UNC13C: variants seen among roughly 807,000 people sequenced by gnomAD.
UNC13C encodes protein unc-13 homolog C.
Under a neutral mutation model 245.4 loss-of-function variants are expected in UNC13C, and 174 were observed. The ratio of observed to expected loss-of-function variants is 0.71; its 90% confidence interval spans 0.63 to 0.80. The LOEUF (loss-of-function observed/expected upper bound fraction) is 0.80, where lower values mean the gene tolerates loss of function less well. Among genes scored for constraint, UNC13C ranks in the 30% least tolerant of loss-of-function variants. UNC13C has a pLI of 0.00. For missense variants in UNC13C, 2,829 were observed against 2,602.9 expected, an observed-to-expected ratio of 1.09 and a Z score of -1.89; for synonymous variants, 992 against 895.1, an observed-to-expected ratio of 1.11 and a Z score of -1.93.
intron 10 of UNC13C, among the ~76,000 whole-genome samples, chr15:54,287,400 T>A (rs74015117): frequency 0.025 from 3,852 of 152,296 alleles, 160 homozygotes; most frequent in African/African-American, 0.088. Context: ...TCAGATATAA[T>A]CAAACAAAAT....
intron 19 of UNC13C, among the ~76,000 whole-genome samples, chr15:54,438,491 T>C (rs1014777240): frequency 6.6e-6 from 1 of 152,002 alleles, no homozygotes; most frequent in Non-Finnish European, 1.5e-5. Context: ...TCTGCTCTAG[T>C]CAACATAAGG....
the UNC13C span, among the ~76,000 whole-genome samples, chr15:53,896,065 C>T: frequency 7.7e-6 from 1 of 130,376 alleles, no homozygotes; most frequent in African/African-American, 3.0e-5. Flanking sequence ...TTTAAATATG[C>T]TAATGTCCAT....
chr15:54,189,954 A>T (rs945725130), intron 4 of UNC13C, among the ~76,000 whole-genome samples: 1 of 152,212 alleles, frequency 6.6e-6, no homozygotes, highest in African/African-American at 2.4e-5. Context: ...ATTATGTAAC[A>T]TGTTAGGTCA....
intron 11 of UNC13C, among the ~76,000 whole-genome samples, chr15:54,297,187 C>T (rs2037458890): frequency 6.6e-6 from 1 of 152,116 alleles, no homozygotes; most frequent in Non-Finnish European, 1.5e-5. Flanking sequence ...TGCCAAATAA[C>T]TTATTTAATT....
intron 30 of UNC13C, among the ~76,000 whole-genome samples, chr15:54,600,728 A>G (rs1255421403): frequency 6.6e-6 from 1 of 152,124 alleles, no homozygotes; most frequent in Non-Finnish European, 1.5e-5. Context: ...TTGAAAACAA[A>G]GCTTTCATAC....
At chr15:54,468,977 G>A (rs1596437455) in intron 19 of UNC13C, among the ~76,000 whole-genome samples, 2 of 151,672 alleles carry the variant, frequency 1.3e-5, no homozygotes, top group East Asian at 1.9e-4. Flanking sequence ...GTGAAGAATA[G>A]CATTGAAATA....
chr15:54,115,050 C>G (rs557954949), intron 2 of UNC13C, among the ~76,000 whole-genome samples: 1 of 151,952 alleles, frequency 6.6e-6, no homozygotes, highest in Non-Finnish European at 1.5e-5. Flanking sequence ...GATGCCAATC[C>G]TCCATTTGCT....
At position 54,219,856 on chromosome 15, in the gene UNC13C, C is replaced by T. The variant is rs1230678712; in HGVS notation, c.3072-15174C>T. ...AGACACATGAAAAAATGCTCATCATCACTGGCCATCAGAGAAATGCAAATC... is the reference window on the plus strand; with the variant it reads ...AGACACATGAAAAAATGCTCATCATTACTGGCCATCAGAGAAATGCAAATC... On this transcript the variant is annotated intron_variant, in intron 4 of 32. Transcript: ENST00000260323. 2.0e-5 allele frequency among the ~76,000 whole-genome samples: 3 copies of T among 151,920 alleles called. No homozygotes were observed. The East Asian group carries it at 5.8e-4, about 29-fold the overall frequency.
intron 4 of UNC13C, among the ~76,000 whole-genome samples, chr15:54,173,349 GA>G (rs1412365227): frequency 1.3e-5 from 2 of 152,032 alleles, no homozygotes; most frequent in African/African-American, 4.8e-5. Context: ...TCTAATCAAA[GA>G]ACATGTAATG....
At chr15:54,389,590 T>G (rs1280643529) in intron 17 of UNC13C, among the ~76,000 whole-genome samples, 1 of 152,206 alleles carries the variant, frequency 6.6e-6, no homozygotes, top group African/African-American at 2.4e-5. Flanking sequence ...TGTAAGTACA[T>G]GATACTAACA....
intron 2 of UNC13C, among the ~76,000 whole-genome samples, chr15:54,030,622 T>C (rs1319576838): frequency 6.6e-6 from 1 of 152,234 alleles, no homozygotes; most frequent in Non-Finnish European, 1.5e-5. Context: ...TGTATTGCTA[T>C]AACAAAATAT....
At chr15:53,861,577 G>C in the UNC13C span, among the ~76,000 whole-genome samples, 1 of 152,110 alleles carries the variant, frequency 6.6e-6, no homozygotes, top group Non-Finnish European at 1.5e-5. Context: ...GGGTCGTCTA[G>C]AAAACAGAGC....
At chr15:54,175,656 G>A (rs1282452619) in intron 4 of UNC13C, among the ~76,000 whole-genome samples, 1 of 151,920 alleles carries the variant, frequency 6.6e-6, no homozygotes, top group Non-Finnish European at 1.5e-5. Flanking sequence ...GGGACTACAG[G>A]CACCCACCAC....
At chr15:54,571,734 T>G (rs1897764403) in intron 30 of UNC13C, among the ~76,000 whole-genome samples, 1 of 152,214 alleles carries the variant, frequency 6.6e-6, no homozygotes, top group African/African-American at 2.4e-5. Flanking sequence ...AGGCACAGGC[T>G]CGGTCCTATG....
intron 13 of UNC13C, among the ~76,000 whole-genome samples, chr15:54,315,746 T>A (rs2037992064): frequency 6.6e-6 from 1 of 151,790 alleles, no homozygotes; most frequent in Non-Finnish European, 1.5e-5. Context: ...CACCTTCAAT[T>A]TTTTTCAATT....
chr15:54,386,031 AG>A (rs1181030687), intron 17 of UNC13C, among the ~76,000 whole-genome samples: 1 of 152,140 alleles, frequency 6.6e-6, no homozygotes. Context: ...GTTCCCTGAA[AG>A]CTTTTCTTCT....
the UNC13C span, among the ~76,000 whole-genome samples, chr15:53,949,962 T>C: frequency 1.3e-5 from 2 of 152,198 alleles, no homozygotes; most frequent in South Asian, 4.1e-4. Flanking sequence ...TTTTTTCATA[T>C]TTTTGGAACC....
At chr15:54,228,964 A>C (rs2035472250) in intron 4 of UNC13C, among the ~76,000 whole-genome samples, 1 of 152,174 alleles carries the variant, frequency 6.6e-6, no homozygotes, top group Non-Finnish European at 1.5e-5. Flanking sequence ...AAGTTTATTT[A>C]GGACCCAACA....
At chr15:54,223,720 G>T (rs2031868219) in intron 4 of UNC13C, among the ~76,000 whole-genome samples, 1 of 151,836 alleles carries the variant, frequency 6.6e-6, no homozygotes, top group African/African-American at 2.4e-5. Flanking sequence ...AGATTGCTTT[G>T]GGTAGGTAGT....
Sources: gnomAD v4.1 joint callset for allele counts (sites outside exome capture counted in the v4.1 genomes callset) on GRCh38, gnomAD v4.1.1 for gene constraint, MANE v1.5 for transcripts, NCBI Gene and HGNC (gene_info 2026-07-23, HGNC 2026-07-21) for gene names.